Variants in FCHO2 observed in about 807,000 individuals in gnomAD.
FCHO2 encodes FCH and mu domain containing endocytic adaptor 2, also known as F-BAR domain only protein 2.
A neutral mutation model predicts 114.1 loss-of-function variants in FCHO2; 43 were observed. The ratio of observed to expected loss-of-function variants is 0.38; its 90% confidence interval spans 0.30 to 0.49. The LOEUF (loss-of-function observed/expected upper bound fraction) is 0.49, where lower values mean the gene tolerates loss of function less well. FCHO2 is among the 20% of genes least tolerant of loss of function. The pLI is 0.97. For missense variants in FCHO2, 807 were observed against 950.4 expected (o/e 0.85, Z 1.98); for synonymous variants, 293 against 315.2 (o/e 0.93, Z 0.75).
At chr5:73,028,483 C>T (rs968887071) in intron 8 of FCHO2, among the ~76,000 whole-genome samples, 6 of 152,208 alleles carry the variant, frequency 3.9e-5, no homozygotes, top group South Asian at 4.1e-4. Context: ...TGTCCATTAA[C>T]AGATGAACGG....
At position 72,972,743 on chromosome 5, in the gene FCHO2, C is replaced by A. The variant is rs1252706649; in HGVS notation, c.125+4154C>A. Among the ~76,000 whole-genome samples, 7 of 152,138 alleles carry A rather than the reference C, an allele frequency of 4.6e-5. No individual in the cohort carries two copies. The East Asian group carries it at 7.8e-4, about 17-fold the overall frequency. Reference sequence around the variant, plus strand: ...GCTAGAACTTCCAACACTATGTTGACTAGGAGTGGTGAGAGAGGGCATCCC... The same window carrying A: ...GCTAGAACTTCCAACACTATGTTGAATAGGAGTGGTGAGAGAGGGCATCCC... On this transcript the variant is annotated intron_variant, in intron 2 of 25. Transcript: ENST00000430046.
Position 72,990,534 on chromosome 5 carries a change from G to T in FCHO2, c.257G>T (p.Cys86Phe), listed in dbSNP as rs1384154361. The T allele has an allele frequency of 1.9e-6, 3 of 1,540,448 alleles. No homozygotes were observed. Among genetic ancestry groups the T allele is most frequent in the Non-Finnish European group, 2.6e-6 (3 of 1,144,442 alleles). ...ACATCTACAGAGAAATTAGCAAATTGTCACTTGGATCTTGTTAGAAAATTA... is the reference window on the plus strand; with the variant it reads ...ACATCTACAGAGAAATTAGCAAATTTTCACTTGGATCTTGTTAGAAAATTA... Reference protein sequence around the residue: ...FKTSTEKLANCHLDLVRKLQE... With the variant: ...FKTSTEKLANFHLDLVRKLQE... The change falls in exon 4 of 26, where the codon TGT becomes TTT. Residue 86 changes from cysteine to phenylalanine, a missense_variant. Cys to Phe is a radical substitution (Grantham distance 205). Coordinates refer to ENST00000430046, the MANE Select transcript of FCHO2 (RefSeq NM_138782.3).
At chr5:73,045,066 A>C (rs1370383797) in intron 11 of FCHO2, among the ~76,000 whole-genome samples, 1 of 152,208 alleles carries the variant, frequency 6.6e-6, no homozygotes, top group East Asian at 1.9e-4. Context: ...TGAAATAAAG[A>C]TGCATAGAAG....
intron 8 of FCHO2, among the ~76,000 whole-genome samples, chr5:73,031,695 G>A (rs1175477494): frequency 6.6e-6 from 1 of 151,992 alleles, no homozygotes; most frequent in Non-Finnish European, 1.5e-5. Flanking sequence ...GAATTGTTTT[G>A]CTTTGAATCA....
At chr5:72,995,344 C>G (rs943616485) in intron 5 of FCHO2, among the ~76,000 whole-genome samples, 1 of 151,936 alleles carries the variant, frequency 6.6e-6, no homozygotes, top group Non-Finnish European at 1.5e-5. Flanking sequence ...CAACCTCCGC[C>G]TCCCGAGTTC....
intron 17 of FCHO2, 60 bp downstream of exon 17, chr5:73,058,584 C>T: frequency 1.3e-6 from 1 of 751,970 alleles, no homozygotes; most frequent in Non-Finnish European, 2.0e-6. Context: ...GTTGCTTTTT[C>T]TCATTCACTT....
intron 5 of FCHO2, among the ~76,000 whole-genome samples, chr5:72,996,278 T>TATTAA (rs1378889094): frequency 6.7e-6 from 1 of 149,456 alleles, no homozygotes; most frequent in Non-Finnish European, 1.5e-5. Flanking sequence ...ATGTATTTCA[T>TATTAA]ATAATGGGAT....
At chr5:72,972,398 C>G (rs1434588955) in intron 2 of FCHO2, among the ~76,000 whole-genome samples, 1 of 152,026 alleles carries the variant, frequency 6.6e-6, no homozygotes, top group African/African-American at 2.4e-5. Context: ...TTGTAGTTCT[C>G]CTTGAAGAGG....
intron 5 of FCHO2, 93 bp downstream of exon 5, chr5:72,990,957 A>G (rs1753778874): frequency 1.5e-6 from 2 of 1,357,318 alleles, no homozygotes; most frequent in African/African-American, 1.5e-5. Context: ...AAATTATCTC[A>G]TTTTAAAGAT....
intron 10 of FCHO2, 40 bp from the exon 11 acceptor site, chr5:73,041,251 A>T (rs769574922): frequency 6.0e-6 from 8 of 1,330,612 alleles, no homozygotes; most frequent in Non-Finnish European, 7.5e-6. Context: ...TTAGCAGACA[A>T]TTCTAATTAT....
At chr5:73,062,596 C>T (rs535376922) in intron 17 of FCHO2, among the ~76,000 whole-genome samples, 9 of 152,156 alleles carry the variant, frequency 5.9e-5, no homozygotes, top group African/African-American at 2.2e-4. Flanking sequence ...TGGAAAAAGA[C>T]AGTGGCCTCA....
intron 12 of FCHO2, 112 bp downstream of exon 12, chr5:73,051,518 G>T: frequency 4.6e-6 from 3 of 655,722 alleles, no homozygotes; most frequent in Non-Finnish European, 7.3e-6. Flanking sequence ...TATAAAATAT[G>T]GTTCCTTGTT....
chr5:73,003,382 G>A (rs538925789), intron 5 of FCHO2, among the ~76,000 whole-genome samples: 2 of 151,734 alleles, frequency 1.3e-5, no homozygotes, highest in Admixed American at 6.6e-5. Context: ...TCACTTTGTT[G>A]CCCAGTCTGG....
intron 24 of FCHO2, among the ~76,000 whole-genome samples, chr5:73,083,892 C>CA (rs765390330): frequency 0.049 from 3,890 of 78,644 alleles, 97 homozygotes; most frequent in African/African-American, 0.079. Flanking sequence ...GACTCTGTCT[C>CA]AAAAAAAAAA....
intron 7 of FCHO2, 37 bp from the exon 8 acceptor site, chr5:73,017,175 G>T: frequency 8.2e-7 from 1 of 1,222,696 alleles, no homozygotes; most frequent in South Asian, 1.6e-5. Flanking sequence ...CTAAGAATGT[G>T]GAAAAAGAAA....
At chr5:72,961,191 G>A (rs1185950048) in intron 1 of FCHO2, among the ~76,000 whole-genome samples, 1 of 151,988 alleles carries the variant, frequency 6.6e-6, no homozygotes, top group Non-Finnish European at 1.5e-5. Flanking sequence ...GCTATTAATA[G>A]GTCTTTGGGA....
intron 11 of FCHO2, among the ~76,000 whole-genome samples, chr5:73,045,359 T>C (rs1299274908): frequency 1.3e-5 from 2 of 152,220 alleles, no homozygotes; most frequent in Non-Finnish European, 1.5e-5. Context: ...ACAATATGTA[T>C]GCTTTTGAGA....
In FCHO2 at chr5:72,968,533, T is replaced by C; in HGVS notation, c.69T>C (p.His23=). ...ATAGTGGCTTTGATGTCCTCTACCA[T>C]AATATGAAACATGGACAGATATCAA... is the stretch of plus-strand genomic sequence containing the variant. The part of the protein sequence containing the change: ...EKNSGFDVLY[H]NMKHGQISTK... Residue 23 remains histidine, a synonymous_variant, in exon 2 of 26, where the codon CAT becomes CAC. Transcript: ENST00000430046. The C allele has an allele frequency of 6.5e-7, 1 of 1,550,250 alleles. No homozygotes were observed. The highest frequency in any genetic ancestry group is 1.3e-5 in the South Asian group (1 of 77,986).
chr5:72,968,511 G>A lies in FCHO2; in HGVS notation c.47G>A (p.Ser16Asn), dbSNP rs1179517746. The A allele has an allele frequency of 1.3e-6, 2 of 1,508,798 alleles. No homozygotes were observed. Among genetic ancestry groups the A allele is most frequent in the East Asian group, 2.5e-5 (1 of 39,940 alleles). 93.5% of individuals were successfully genotyped at this position (1,508,798 alleles called of 1,614,324 possible). The change falls in exon 2 of 26, where the codon AGT becomes AAT. Residue 16 changes from serine (S) to asparagine (N), a missense_variant. Ser to Asn is a conservative substitution (Grantham distance 46, BLOSUM62 1). Transcript: ENST00000430046. ...TTTAAATTTTAGGGGGAAAAAAATAGTGGCTTTGATGTCCTCTACCATAAT... is the reference window on the plus strand; with the variant it reads ...TTTAAATTTTAGGGGGAAAAAAATAATGGCTTTGATGTCCTCTACCATAAT... Reference protein sequence around the residue: ...FVENFWGEKNSGFDVLYHNMK... With the variant: ...FVENFWGEKNNGFDVLYHNMK...
Sources: allele counts gnomAD v4.1 joint callset (sites outside exome capture counted in the v4.1 genomes callset), GRCh38; gene constraint gnomAD v4.1.1; transcripts MANE v1.5; gene names NCBI Gene and HGNC (gene_info 2026-07-23, HGNC 2026-07-21).